Variants in SPECC1 observed in about 807,000 individuals in gnomAD.
SPECC1 encodes cytospin-B.
SPECC1 carries 62 observed loss-of-function variants against 104.1 expected under a neutral mutation model. That is an observed-to-expected ratio of 0.60 (90% CI 0.49 to 0.74). The LOEUF (loss-of-function observed/expected upper bound fraction) is 0.74. Among genes scored for constraint, SPECC1 ranks in the 30% least tolerant of loss-of-function variants. SPECC1 has a pLI of 0.00. For synonymous variants in SPECC1, 513 were observed against 501.6 expected (o/e 1.02, Z -0.30); for missense variants, 1,306 against 1,310.5 (o/e 1.00, Z 0.05).
At chr17:20,248,441 A>C (rs2039505097) in intron 9 of SPECC1, among the ~76,000 whole-genome samples, 1 of 152,192 alleles carries the variant, frequency 6.6e-6, no homozygotes, top group Non-Finnish European at 1.5e-5. Context: ...AGGAAAATGG[A>C]GTCCTAGAAA....
intron 1 of SPECC1, among the ~76,000 whole-genome samples, chr17:20,028,631 C>A (rs2044691888): frequency 6.6e-6 from 1 of 152,136 alleles, no homozygotes; most frequent in South Asian, 2.1e-4. Flanking sequence ...GTAACATTTG[C>A]AATTGGCAAG....
chr17:20,097,746 A>G (rs1227092205), intron 2 of SPECC1, among the ~76,000 whole-genome samples: 1 of 152,196 alleles, frequency 6.6e-6, no homozygotes, highest in Non-Finnish European at 1.5e-5. Flanking sequence ...CATTGTTTTT[A>G]TGAGTCAAAT....
At chr17:20,129,404 G>A (rs571904829) in intron 3 of SPECC1, among the ~76,000 whole-genome samples, 2 of 151,166 alleles carry the variant, frequency 1.3e-5, no homozygotes, top group Non-Finnish European at 2.9e-5. Context: ...TAGCCAGGAT[G>A]GTCTCAATCT....
rs2036678475 is a variant in SPECC1 at position 20,204,999 on chromosome 17, G to A, written c.950G>A (p.Ser317Asn). Residue 317 changes from serine (S) to asparagine (N), a missense_variant, in exon 4 of 15, where the codon AGC becomes AAC. Ser to Asn is a conservative substitution (Grantham distance 46). Coordinates refer to ENST00000395527, the MANE Select transcript of SPECC1 (RefSeq NM_001243439.2). ...TTACGGACATCAGGCTCCTCAAGTA[G>A]CGATGTTACCAAAGCTTCTTTGTCG... Reference protein sequence around the residue: ...NALRTSGSSSSDVTKASLSPD... With the variant: ...NALRTSGSSSNDVTKASLSPD... The A allele has an allele frequency of 6.2e-7, 1 of 1,614,144 alleles. No homozygotes were observed. Among genetic ancestry groups the A allele is most frequent in the Non-Finnish European group, 8.5e-7 (1 of 1,180,012 alleles).
intron 1 of SPECC1, among the ~76,000 whole-genome samples, chr17:20,028,962 A>T (rs1462362702): frequency 6.6e-6 from 1 of 152,094 alleles, no homozygotes; most frequent in Non-Finnish European, 1.5e-5. Context: ...GGGTTTCTCC[A>T]TGTTGGTCAG....
chr17:20,035,961 C>T (rs967666516), intron 1 of SPECC1, among the ~76,000 whole-genome samples: 1 of 151,730 alleles, frequency 6.6e-6, no homozygotes, highest in Non-Finnish European at 1.5e-5. Flanking sequence ...GTAGCTGAGA[C>T]TACACATGCC....
At chr17:20,161,039 C>T (rs1015450670) in intron 3 of SPECC1, among the ~76,000 whole-genome samples, 6 of 152,052 alleles carry the variant, frequency 3.9e-5, no homozygotes, top group Admixed American at 6.6e-5. Context: ...GGTGAAACCC[C>T]GTCTCTACTA....
chr17:20,172,511 G>C (rs1046294323), intron 3 of SPECC1, among the ~76,000 whole-genome samples: 12 of 152,180 alleles, frequency 7.9e-5, no homozygotes, highest in African/African-American at 2.9e-4. Context: ...TGTGACTGCA[G>C]AATAAACCCC....
intron 1 of SPECC1, among the ~76,000 whole-genome samples, chr17:20,046,418 A>G (rs1486115279): frequency 1.3e-5 from 2 of 152,190 alleles, no homozygotes; most frequent in Non-Finnish European, 2.9e-5. Context: ...CTGCTAGTTC[A>G]TTCATTGATA....
At chr17:20,141,112 G>C (rs1439471072) in intron 3 of SPECC1, among the ~76,000 whole-genome samples, 3 of 152,128 alleles carry the variant, frequency 2.0e-5, no homozygotes, top group Admixed American at 1.3e-4. Context: ...TGGATATGCT[G>C]TTCACCTGGA....
chr17:20,291,671 A>T lies in SPECC1; in HGVS notation c.2941-5290A>T, dbSNP rs1307644067. Among the ~76,000 whole-genome samples the T allele has an allele frequency of 4.6e-5, 7 of 152,020 alleles. No homozygotes were observed. The East Asian group carries it at 1.4e-3, about 29-fold the overall frequency. ...ACGATCTTCCTGCTTCAGCCTCCCAAGTAGCTGGAACTACAGGCATGTGCC... is the reference window on the plus strand; with the variant it reads ...ACGATCTTCCTGCTTCAGCCTCCCATGTAGCTGGAACTACAGGCATGTGCC... On this transcript the variant is annotated intron_variant, in intron 12 of 14. Coordinates refer to ENST00000395527, the MANE Select transcript of SPECC1 (RefSeq NM_001243439.2).
At chr17:20,194,622 T>C (rs1467422315) in intron 3 of SPECC1, among the ~76,000 whole-genome samples, 2 of 148,238 alleles carry the variant, frequency 1.3e-5, no homozygotes, top group Admixed American at 1.4e-4. Flanking sequence ...TTCCCCTGCC[T>C]CAGCCCCCTG....
intron 14 of SPECC1, among the ~76,000 whole-genome samples, chr17:20,313,447 GCGTACACTGGATGCCATGTC>G (rs1214317884): frequency 6.6e-6 from 1 of 152,242 alleles, no homozygotes; most frequent in Non-Finnish European, 1.5e-5. Flanking sequence ...CACGAGGTGA[GCGTACACTGGATGCCATGTC>G]CCTTGTGGAC....
At chr17:20,040,843 G>T (rs1476171434) in intron 1 of SPECC1, among the ~76,000 whole-genome samples, 1 of 152,108 alleles carries the variant, frequency 6.6e-6, no homozygotes, top group Non-Finnish European at 1.5e-5. Flanking sequence ...CGAATCTATA[G>T]GTTTATGTCT....
At chr17:20,015,046 C>A (rs896533136) in intron 1 of SPECC1, among the ~76,000 whole-genome samples, 1 of 152,162 alleles carries the variant, frequency 6.6e-6, no homozygotes, top group Non-Finnish European at 1.5e-5. Flanking sequence ...TGAGCCACTG[C>A]GCTTGGGCAC....
At chr17:20,096,529 T>C (rs969393282) in intron 1 of SPECC1, 102 bp from the exon 2 acceptor site, 7 of 1,316,908 alleles carry the variant, frequency 5.3e-6, no homozygotes, top group African/African-American at 1.5e-5. Context: ...TCCTACTCTG[T>C]GATAGTTCAT....
chr17:20,299,850 C>G (rs758770713), intron 13 of SPECC1, among the ~76,000 whole-genome samples: 2 of 152,020 alleles, frequency 1.3e-5, no homozygotes, highest in Admixed American at 1.3e-4. Context: ...CACAGCAAAT[C>G]CGGAGCTGGA....
At position 20,096,646 on chromosome 17, in the gene SPECC1, T is replaced by A. The variant is rs769895121; in HGVS notation, c.-6T>A. On this transcript the variant is annotated 5_prime_UTR_variant, in exon 2 of 15. Coordinates refer to ENST00000395527, the MANE Select transcript of SPECC1 (RefSeq NM_001243439.2). ...TCTTTTGCAGGACAGACCCACGAAG[T>A]CAAGCATGCGGAGTGCAGCCAAGCC... The A allele has an allele frequency of 1.2e-6, 2 of 1,607,342 alleles. No homozygotes were observed. The highest frequency in any genetic ancestry group is 1.7e-5 in the Admixed American group (1 of 58,932).
At chr17:20,216,421 G>A (rs2037492877) in intron 4 of SPECC1, among the ~76,000 whole-genome samples, 1 of 152,182 alleles carries the variant, frequency 6.6e-6, no homozygotes. Context: ...ATGGCAAGTA[G>A]CATGACTCAG....
Sources: gnomAD v4.1 joint callset for allele counts (sites outside exome capture counted in the v4.1 genomes callset) on GRCh38, gnomAD v4.1.1 for gene constraint, MANE v1.5 for transcripts, NCBI Gene and HGNC (gene_info 2026-07-23, HGNC 2026-07-21) for gene names.